CRPPA: variants seen among roughly 807,000 people sequenced by gnomAD.
CRPPA encodes the protein D-ribitol-5-phosphate cytidylyltransferase.
In CRPPA, 43 loss-of-function variants were observed where a neutral mutation model predicts 52.0. The ratio of observed to expected loss-of-function variants is 0.83; its 90% CI spans 0.65 to 1.07. The LOEUF (loss-of-function observed/expected upper bound fraction) is 1.07, where lower values mean the gene tolerates loss of function less well. CRPPA is among the 50% of genes least tolerant of loss of function. The probability of loss-of-function intolerance (pLI) is 0.00; values close to 1 mark genes in which losing one functional copy is unlikely to be tolerated. For synonymous variants in CRPPA, 250 were observed against 203.5 expected (o/e 1.23, Z -1.94); for missense variants, 629 against 551.7 (o/e 1.14, Z -1.40).
chr7:16,117,471 GC>G (rs1782398876), intron 9 of CRPPA, among the ~76,000 whole-genome samples: 1 of 152,152 alleles, frequency 6.6e-6, no homozygotes, highest in Non-Finnish European at 1.5e-5. Flanking sequence ...CTAGACCTTG[GC>G]CAGGCCATCT....
At chr7:16,120,647 T>G (rs1426495624) in intron 9 of CRPPA, among the ~76,000 whole-genome samples, 1 of 152,144 alleles carries the variant, frequency 6.6e-6, no homozygotes, top group African/African-American at 2.4e-5. Flanking sequence ...TACTTTTCCT[T>G]GCTGTATTCA....
At chr7:16,298,077 C>T (rs1422176510) in intron 5 of CRPPA, among the ~76,000 whole-genome samples, 1 of 152,038 alleles carries the variant, frequency 6.6e-6, no homozygotes, top group Non-Finnish European at 1.5e-5. Context: ...TTCTCTCTTT[C>T]CTATGCCCAG....
At chr7:16,226,495 G>A (rs1297869772) in intron 8 of CRPPA, among the ~76,000 whole-genome samples, 5 of 151,510 alleles carry the variant, frequency 3.3e-5, no homozygotes, top group Admixed American at 1.3e-4. Context: ...TTCAATGGTC[G>A]GCCAAATAAA....
At chr7:16,399,476 C>A (rs192440588) in intron 2 of CRPPA, among the ~76,000 whole-genome samples, 5 of 150,186 alleles carry the variant, frequency 3.3e-5, no homozygotes, top group African/African-American at 1.2e-4. Context: ...ATTGACAAGA[C>A]GTTTGATCAA....
At chr7:16,416,967 CAAAT>C (rs942192154) in intron 1 of CRPPA, among the ~76,000 whole-genome samples, 1 of 152,114 alleles carries the variant, frequency 6.6e-6, no homozygotes, top group African/African-American at 2.4e-5. Context: ...CAGCAAAAAA[CAAAT>C]ACCCACATTA....
At chr7:16,388,566 A>G (rs1583569436) in intron 2 of CRPPA, among the ~76,000 whole-genome samples, 1 of 152,286 alleles carries the variant, frequency 6.6e-6, no homozygotes, top group African/African-American at 2.4e-5. Flanking sequence ...AAAGCCAAAT[A>G]TGGTTCTCTT....
chr7:16,291,201 C>A (rs1021676551), intron 5 of CRPPA, among the ~76,000 whole-genome samples: 2 of 151,842 alleles, frequency 1.3e-5, no homozygotes, highest in Non-Finnish European at 1.5e-5. Flanking sequence ...TAGTACAAGA[C>A]CTCTATGAAA....
intron 9 of CRPPA, among the ~76,000 whole-genome samples, chr7:16,180,844 T>C (rs1309178747): frequency 6.6e-6 from 1 of 152,092 alleles, no homozygotes; most frequent in Admixed American, 6.6e-5. Context: ...ATAAAACTAA[T>C]ATTTTATTGA....
At chr7:16,243,317 T>C (rs1020809042) in intron 8 of CRPPA, among the ~76,000 whole-genome samples, 1 of 152,212 alleles carries the variant, frequency 6.6e-6, no homozygotes, top group African/African-American at 2.4e-5. Flanking sequence ...AAACCTCCTT[T>C]GTTTACAGGT....
At chr7:16,163,507 C>G (rs1463338877) in intron 9 of CRPPA, among the ~76,000 whole-genome samples, 1 of 152,064 alleles carries the variant, frequency 6.6e-6, no homozygotes. Flanking sequence ...GGCATTAATC[C>G]TGTTTACATT....
chr7:16,145,985 A>G (rs916063951), intron 9 of CRPPA, among the ~76,000 whole-genome samples: 1 of 152,140 alleles, frequency 6.6e-6, no homozygotes, highest in African/African-American at 2.4e-5. Context: ...AACCTCAAGT[A>G]AGTGGAATTA....
At chr7:16,268,459 T>C (rs926580690) in intron 6 of CRPPA, among the ~76,000 whole-genome samples, 2 of 152,284 alleles carry the variant, frequency 1.3e-5, no homozygotes, top group East Asian at 3.9e-4. Context: ...TTCATTAATG[T>C]ATACTCCTCT....
chr7:16,413,744 A>G (rs995264155), intron 1 of CRPPA, among the ~76,000 whole-genome samples: 1 of 152,262 alleles, frequency 6.6e-6, no homozygotes, highest in African/African-American at 2.4e-5. Flanking sequence ...TTTAAAAAAC[A>G]AAGTTAATAT....
rs563467335 is a variant in CRPPA at position 16,327,377 on chromosome 7, G to A, written c.685-18750C>T. Among the ~76,000 whole-genome samples the A allele has an allele frequency of 3.0e-3, 453 of 151,980 alleles. 3 individuals carry two copies. Among genetic ancestry groups the A allele is most frequent in the Non-Finnish European group, 4.7e-3 (319 of 67,968 alleles). On this transcript the variant is annotated intron_variant, in intron 3 of 9. Coordinates refer to ENST00000407010, the MANE Select transcript of CRPPA (RefSeq NM_001101426.4). ...GGAGGCCGAGGCGGGTGGATCATGA[G>A]GTCAGGAGATCGAGACCATCCTGGC...
At chr7:16,156,097 T>TA (rs1321839317) in intron 9 of CRPPA, among the ~76,000 whole-genome samples, 1 of 141,008 alleles carries the variant, frequency 7.1e-6, no homozygotes, top group Non-Finnish European at 1.5e-5. Context: ...TGTATAGACT[T>TA]ACTGAGTTAT....
At chr7:16,217,194 ACGGCAGGGTATTC>A in intron 8 of CRPPA, among the ~76,000 whole-genome samples, 1 of 144,142 alleles carries the variant, frequency 6.9e-6, no homozygotes, top group South Asian at 2.4e-4. Context: ...GACACCTCAC[ACGGCAGGGTATTC>A]CAACAGACCT....
At chr7:16,297,138 T>C (rs1014629420) in intron 5 of CRPPA, among the ~76,000 whole-genome samples, 2 of 152,126 alleles carry the variant, frequency 1.3e-5, no homozygotes, top group Non-Finnish European at 2.9e-5. Flanking sequence ...AGACCTGAGC[T>C]TAAATAATGG....
chr7:16,392,599 A>G (rs554486923), intron 2 of CRPPA, among the ~76,000 whole-genome samples: 28 of 152,264 alleles, frequency 1.8e-4, no homozygotes, highest in Non-Finnish European at 3.7e-4. Flanking sequence ...CAGTTATTAA[A>G]TGCTGAAGTG....
At chr7:16,209,273 C>CCTTTTTTTTTTTTTTTTTTT (rs1782057833) in intron 9 of CRPPA, 1 of 122,066 alleles carries the variant, frequency 8.2e-6, no homozygotes, top group Non-Finnish European at 1.8e-5. Context: ...TTCTAAGTGT[C>CCTTTTTTTTTTTTTTTTTTT]TTTTTTTTTT....
Sources: allele counts gnomAD v4.1 joint callset (sites outside exome capture counted in the v4.1 genomes callset), GRCh38; gene constraint gnomAD v4.1.1; transcripts MANE v1.5; gene names NCBI Gene and HGNC (gene_info 2026-07-23, HGNC 2026-07-21).